The following ADCYAP1R1 variants were observed in gnomAD, a reference collection of about 807,000 sequenced individuals.
ADCYAP1R1 encodes the protein pituitary adenylate cyclase-activating polypeptide type I receptor.
A neutral mutation model predicts 67.6 loss-of-function variants in ADCYAP1R1; 44 were observed. That is an observed-to-expected ratio of 0.65 (90% confidence interval 0.51 to 0.84). The LOEUF (loss-of-function observed/expected upper bound fraction) is 0.84. ADCYAP1R1 is among the 40% of genes least tolerant of loss of function. The pLI, the probability that ADCYAP1R1 is intolerant of heterozygous loss-of-function variation, is 0.00. For missense variants in ADCYAP1R1, 477 were observed against 587.9 expected (o/e 0.81, Z 1.95); for synonymous variants, 222 against 219.6 (o/e 1.01, Z -0.10).
chr7:31,078,621 G>A (rs1226844516), intron 4 of ADCYAP1R1, among the ~76,000 whole-genome samples: 1 of 152,208 alleles, frequency 6.6e-6, no homozygotes, highest in Non-Finnish European at 1.5e-5. Context: ...GAAGGCAGCT[G>A]GACACAAGAC....
chr7:31,090,440 C>T (rs2128633017), intron 12 of ADCYAP1R1, among the ~76,000 whole-genome samples: 1 of 152,034 alleles, frequency 6.6e-6, no homozygotes, highest in East Asian at 1.9e-4. Flanking sequence ...ATTTTAGATC[C>T]AGGGAATACA....
chr7:31,087,864 A>G (rs927445815), intron 12 of ADCYAP1R1, among the ~76,000 whole-genome samples, 168 bp downstream of exon 12: 1 of 152,224 alleles, frequency 6.6e-6, no homozygotes, highest in African/African-American at 2.4e-5. Context: ...TTCCCCTAAC[A>G]CTGGAGATTT....
chr7:31,068,233 A>ACG (rs1554300593), intron 3 of ADCYAP1R1, among the ~76,000 whole-genome samples: 3 of 152,124 alleles, frequency 2.0e-5, no homozygotes, highest in African/African-American at 7.2e-5. Context: ...ACACACACAC[A>ACG]CACACGTACA....
intron 1 of ADCYAP1R1, among the ~76,000 whole-genome samples, chr7:31,060,820 C>A (rs67936721): frequency 0.29 from 43,692 of 152,138 alleles, 6,639 homozygotes; most frequent in Middle Eastern, 0.34. Context: ...GCTGTTCAAA[C>A]TCCTAGTTCC....
intron 13 of ADCYAP1R1, chr7:31,095,787 G>T (rs1158147329): frequency 2.8e-6 from 2 of 716,906 alleles, no homozygotes; most frequent in Admixed American, 2.0e-5. Flanking sequence ...ATAAGGGTTT[G>T]TCCTCCATAG....
At chr7:31,073,832 AT>A (rs1007576263) in intron 3 of ADCYAP1R1, among the ~76,000 whole-genome samples, 5 of 152,086 alleles carry the variant, frequency 3.3e-5, no homozygotes, top group African/African-American at 1.2e-4. Context: ...GGTCAGGGAC[AT>A]TGTCTTTGGG....
intron 3 of ADCYAP1R1, among the ~76,000 whole-genome samples, chr7:31,073,543 T>G (rs1185327994): frequency 6.6e-6 from 1 of 152,184 alleles, no homozygotes. Context: ...AACCCAAGGC[T>G]GTCTCAGGAG....
At position 31,087,011 on chromosome 7, in the gene ADCYAP1R1, C is replaced by T. The variant is rs1399912106; in HGVS notation, c.884+8C>T. ...CTACTTTGATGACACAGGGTTAGTA[C>T]ATGCGCGAGAGTCAGGGCCACAGCA... On this transcript the variant is annotated splice_region_variant and intron_variant, in intron 11 of 15. Coordinates refer to ENST00000304166, the MANE Select transcript of ADCYAP1R1 (RefSeq NM_001118.5). 2 of 1,614,052 alleles carry T rather than the reference C, an allele frequency of 1.2e-6. No homozygotes were observed. Among genetic ancestry groups the T allele is most frequent in the Non-Finnish European group, 1.7e-6 (2 of 1,180,012 alleles).
chr7:31,099,057 G>T (rs1584540888), intron 13 of ADCYAP1R1, among the ~76,000 whole-genome samples: 1 of 152,200 alleles, frequency 6.6e-6, no homozygotes. Context: ...TTCATGGCTT[G>T]TGTCAGCCCA....
In ADCYAP1R1 at chr7:31,087,606, TTC is replaced by T. The variant is rs1015729829; in HGVS notation, c.885-15_885-14del. On this transcript the variant is annotated intron_variant, in intron 11 of 15. Transcript: ENST00000304166. ...TGCCGACTCACAGACGTGATCTTGC[TTC>T]TCTCTGTCCATCTTTCAGCTGCTGG... 2 of 1,613,040 alleles carry T rather than the reference TTC, an allele frequency of 1.2e-6. No homozygotes were observed. Among genetic ancestry groups the T allele is most frequent in the African/African-American group, 2.7e-5 (2 of 74,926 alleles).
intron 13 of ADCYAP1R1, among the ~76,000 whole-genome samples, chr7:31,096,020 C>A (rs1796180102): frequency 6.6e-6 from 1 of 152,110 alleles, no homozygotes; most frequent in African/African-American, 2.4e-5. Flanking sequence ...GGGGTTAGGG[C>A]TTAGCCCTCA....
At chr7:31,059,715 C>T (rs1418118042) in intron 1 of ADCYAP1R1, among the ~76,000 whole-genome samples, 1 of 152,114 alleles carries the variant, frequency 6.6e-6, no homozygotes, top group African/African-American at 2.4e-5. Context: ...GGCAGGCAGC[C>T]TAAGTCTGTA....
rs1584464014 is a variant in ADCYAP1R1 at position 31,053,487 on chromosome 7, A to G, written c.-72+809A>G. ...GGGACCTTGGCAGGTTAGGGGGCTCAGAAGGGACAGGGGAGCCGATGGATG... is the reference window on the plus strand; with the variant it reads ...GGGACCTTGGCAGGTTAGGGGGCTCGGAAGGGACAGGGGAGCCGATGGATG... On this transcript the variant is annotated intron_variant, in intron 1 of 15. Coordinates refer to ENST00000304166, the MANE Select transcript of ADCYAP1R1 (RefSeq NM_001118.5). Among the ~76,000 whole-genome samples the G allele has an allele frequency of 1.3e-5, 2 of 152,322 alleles. 1 individual carries two copies. The highest frequency in any genetic ancestry group is 4.1e-4 in the South Asian group (2 of 4,822).
chr7:31,095,763 C>T lies in ADCYAP1R1; in HGVS notation c.1046+3028C>T, dbSNP rs770618911. The T allele has an allele frequency of 9.8e-6, 7 of 717,756 alleles. No individual in the cohort carries two copies. The South Asian group carries it at 1.0e-4, about 11-fold the overall frequency. 44.5% of individuals were successfully genotyped at this position (717,756 alleles called of 1,614,324 possible). ...CACTCCCTTTCCTGTAGGTTGGTTC[C>T]AGCTGCTCAGGTGATAAGGGTTTGT... On this transcript the variant is annotated intron_variant, in intron 13 of 15. Coordinates refer to ENST00000304166, the MANE Select transcript of ADCYAP1R1 (RefSeq NM_001118.5).
intron 13 of ADCYAP1R1, 50 bp downstream of exon 13, chr7:31,092,785 C>A: frequency 6.9e-7 from 1 of 1,441,260 alleles, no homozygotes; most frequent in South Asian, 1.2e-5. Context: ...GCCGAGCGGG[C>A]CCTGCATTCA....
rs187122125 is a variant in ADCYAP1R1 at position 31,060,790 on chromosome 7, G to A, written c.-71-2404G>A. 2.7e-3 allele frequency among the ~76,000 whole-genome samples: 415 copies of A among 152,150 alleles called. 1 individual carries two copies. The highest frequency in any genetic ancestry group is 4.4e-3 in the Non-Finnish European group (299 of 67,988). ...CACTCTCTGTCTATTTGCTGCCACCGGCTCCCCCACCCCACCAGAGCTGTT... is the reference window on the plus strand; with the variant it reads ...CACTCTCTGTCTATTTGCTGCCACCAGCTCCCCCACCCCACCAGAGCTGTT... On this transcript the variant is annotated intron_variant, in intron 1 of 15. Coordinates refer to ENST00000304166, the MANE Select transcript of ADCYAP1R1 (RefSeq NM_001118.5).
intron 3 of ADCYAP1R1, among the ~76,000 whole-genome samples, chr7:31,077,532 TGTG>T (rs1263893907): frequency 1.3e-5 from 2 of 148,284 alleles, no homozygotes; most frequent in South Asian, 2.2e-4. Flanking sequence ...GTGATCTGTT[TGTG>T]GTGTGTGTAA....
chr7:31,069,168 T>C (rs1416069648), intron 3 of ADCYAP1R1, among the ~76,000 whole-genome samples: 1 of 152,114 alleles, frequency 6.6e-6, no homozygotes, highest in African/African-American at 2.4e-5. Context: ...TCCACCAGGG[T>C]ACTCAAGTGA....
intron 2 of ADCYAP1R1, among the ~76,000 whole-genome samples, chr7:31,064,069 G>C (rs1289356859): frequency 6.6e-6 from 1 of 152,220 alleles, no homozygotes; most frequent in African/African-American, 2.4e-5. Context: ...GGGCTGTGAA[G>C]TTACTTGGTC....
Sources: gnomAD v4.1 joint callset for allele counts (sites outside exome capture counted in the v4.1 genomes callset) on GRCh38, gnomAD v4.1.1 for gene constraint, MANE v1.5 for transcripts, NCBI Gene and HGNC (gene_info 2026-07-23, HGNC 2026-07-21) for gene names.